The following LRMDA variants were observed in gnomAD, a reference collection of about 807,000 sequenced individuals.
The protein encoded by LRMDA is leucine-rich melanocyte differentiation-associated protein.
Under a neutral mutation model 29.8 loss-of-function variants are expected in LRMDA, and 18 were observed. That is an observed-to-expected ratio of 0.60 (90% CI 0.42 to 0.90). The LOEUF (loss-of-function observed/expected upper bound fraction) is 0.90, where lower values mean the gene tolerates loss of function less well. LRMDA is among the 40% of genes least tolerant of loss of function. LRMDA has a pLI of 0.00. For missense variants in LRMDA, 273 were observed against 273.9 expected (o/e 1.00, Z 0.02); for synonymous variants, 125 against 109.4 (o/e 1.14, Z -0.89).
At chr10:75,880,214 T>C (rs1025188550) in intron 2 of LRMDA, among the ~76,000 whole-genome samples, 3 of 152,174 alleles carry the variant, frequency 2.0e-5, no homozygotes, top group Admixed American at 2.0e-4. Flanking sequence ...GGGCTATGGA[T>C]TAATGTCAGT....
At chr10:75,875,866 T>C (rs1845188563) in intron 2 of LRMDA, among the ~76,000 whole-genome samples, 1 of 151,944 alleles carries the variant, frequency 6.6e-6, no homozygotes, top group Non-Finnish European at 1.5e-5. Context: ...TTTGACAGCA[T>C]TGATTGGACC....
chr10:76,317,595 A>G (rs908478062), intron 5 of LRMDA, among the ~76,000 whole-genome samples: 1 of 152,192 alleles, frequency 6.6e-6, no homozygotes, highest in African/African-American at 2.4e-5. Flanking sequence ...AGTTTTTGAG[A>G]TGGAGTCTCT....
chr10:75,728,794 G>T (rs1432633185), intron 2 of LRMDA, among the ~76,000 whole-genome samples: 2 of 151,974 alleles, frequency 1.3e-5, no homozygotes, highest in Non-Finnish European at 2.9e-5. Flanking sequence ...GGGACTTAAT[G>T]GGATGGTGGC....
At chr10:76,156,648 T>G (rs1850543257) in intron 5 of LRMDA, among the ~76,000 whole-genome samples, 1 of 152,138 alleles carries the variant, frequency 6.6e-6, no homozygotes, top group Non-Finnish European at 1.5e-5. Context: ...CTTATGATAT[T>G]AGAGGAGTAT....
chr10:75,701,679 T>C (rs1461481127), intron 2 of LRMDA, among the ~76,000 whole-genome samples: 1 of 152,206 alleles, frequency 6.6e-6, no homozygotes, highest in African/African-American at 2.4e-5. Flanking sequence ...CCCCACTAGC[T>C]GAATCATGAG....
In LRMDA at chr10:75,987,298, G is replaced by A. The variant is rs1847277153; in HGVS notation, c.132-48710G>A. On this transcript the variant is annotated intron_variant, in intron 2 of 6. Transcript: ENST00000611255. ...GAGGAGTGGGTCAACTTAGATCAAG[G>A]TTTCTTAATCTTGGCACTAATGATA... 2.0e-5 allele frequency among the ~76,000 whole-genome samples: 3 copies of A among 152,124 alleles called. 1 individual carries two copies. The highest frequency in any genetic ancestry group is 2.0e-4 in the Admixed American group (3 of 15,280).
At chr10:75,907,638 G>A (rs922651552) in intron 2 of LRMDA, among the ~76,000 whole-genome samples, 1 of 152,308 alleles carries the variant, frequency 6.6e-6, no homozygotes, top group South Asian at 2.1e-4. Context: ...TTACAGTAGC[G>A]TTAGAGTGGA....
chr10:75,755,245 C>T (rs1843017911), intron 2 of LRMDA, among the ~76,000 whole-genome samples: 1 of 152,166 alleles, frequency 6.6e-6, no homozygotes, highest in Admixed American at 6.5e-5. Flanking sequence ...TTAAATGAAA[C>T]AGTGAAACAC....
intron 2 of LRMDA, among the ~76,000 whole-genome samples, chr10:75,650,556 A>G (rs1344519794): frequency 6.6e-6 from 1 of 152,140 alleles, no homozygotes; most frequent in Admixed American, 6.5e-5. Flanking sequence ...AGGAGTTGCA[A>G]TGCAGGGTCT....
intron 2 of LRMDA, among the ~76,000 whole-genome samples, chr10:75,531,664 T>A (rs1845479580): frequency 6.6e-6 from 1 of 152,168 alleles, no homozygotes; most frequent in Non-Finnish European, 1.5e-5. Flanking sequence ...CTGGACAGGG[T>A]CTTTTAATCA....
chr10:75,591,242 A>G (rs1433078921), intron 2 of LRMDA, among the ~76,000 whole-genome samples: 1 of 152,158 alleles, frequency 6.6e-6, no homozygotes, highest in Non-Finnish European at 1.5e-5. Context: ...CCCCCACCCC[A>G]TAATCTGATG....
intron 2 of LRMDA, among the ~76,000 whole-genome samples, chr10:75,632,049 T>C (rs1841330882): frequency 6.6e-6 from 1 of 152,206 alleles, no homozygotes; most frequent in Non-Finnish European, 1.5e-5. Flanking sequence ...TTCCCAGACG[T>C]TGGCTGTGCT....
At chr10:76,446,679 T>TGA (rs769611406) in intron 6 of LRMDA, among the ~76,000 whole-genome samples, 11 of 152,332 alleles carry the variant, frequency 7.2e-5, no homozygotes, top group Admixed American at 2.0e-4. Context: ...TGTAATTGTG[T>TGA]GATTCCTGCA....
intron 2 of LRMDA, among the ~76,000 whole-genome samples, chr10:75,828,731 T>C (rs910643083): frequency 6.6e-6 from 1 of 152,218 alleles, no homozygotes; most frequent in Non-Finnish European, 1.5e-5. Flanking sequence ...CGGTACGTGT[T>C]ATTTTTACAT....
chr10:76,292,768 G>A (rs1323088618), intron 5 of LRMDA, among the ~76,000 whole-genome samples: 1 of 151,666 alleles, frequency 6.6e-6, no homozygotes, highest in African/African-American at 2.4e-5. Context: ...ACACCAGAAA[G>A]CCGTGTGACA....
intron 5 of LRMDA, among the ~76,000 whole-genome samples, chr10:76,235,459 T>C (rs1200747209): frequency 6.6e-6 from 1 of 151,598 alleles, no homozygotes; most frequent in African/African-American, 2.4e-5. Flanking sequence ...AGATGCAGGG[T>C]TGCCACAAAT....
chr10:75,677,590 A>G (rs568099905), intron 2 of LRMDA, among the ~76,000 whole-genome samples: 70 of 152,298 alleles, frequency 4.6e-4, no homozygotes, highest in African/African-American at 1.4e-3. Context: ...GACTTTTTAT[A>G]TGCAAAAAAT....
chr10:76,549,999 A>G (rs928097376), intron 6 of LRMDA, among the ~76,000 whole-genome samples: 1 of 152,242 alleles, frequency 6.6e-6, no homozygotes, highest in African/African-American at 2.4e-5. Context: ...CTTTGTAAAA[A>G]TAAATGACTC....
chr10:76,059,393 C>A (rs879467269), intron 5 of LRMDA, among the ~76,000 whole-genome samples: 4 of 152,190 alleles, frequency 2.6e-5, no homozygotes, highest in Non-Finnish European at 5.9e-5. Context: ...ATGCTAATGG[C>A]AGCTCTGATG....
Sources: allele counts gnomAD v4.1 joint callset (sites outside exome capture counted in the v4.1 genomes callset), GRCh38; gene constraint gnomAD v4.1.1; transcripts MANE v1.5; gene names NCBI Gene and HGNC (gene_info 2026-07-23, HGNC 2026-07-21).